TMLHE: variants seen among roughly 807,000 people sequenced by gnomAD.
TMLHE encodes trimethyllysine hydroxylase, epsilon.
Under a neutral mutation model 25.7 loss-of-function variants are expected in TMLHE, and 18 were observed. That is an observed-to-expected ratio of 0.70 (90% confidence interval 0.48 to 1.04). TMLHE has a LOEUF of 1.04. Among genes scored for constraint, TMLHE ranks in the 50% least tolerant of loss-of-function variants. The probability of loss-of-function intolerance (pLI) is 0.00; values close to 1 mark genes in which losing one functional copy is unlikely to be tolerated. For missense variants in TMLHE, 236 were observed against 259.0 expected (o/e 0.91, Z 0.61); for synonymous variants, 105 against 97.0 (o/e 1.08, Z -0.49).
At chrX:155,504,488 T>C (rs1456057671) in intron 6 of TMLHE, among the ~76,000 whole-genome samples, 1 of 104,577 alleles carries the variant, frequency 9.6e-6, no homozygotes, top group African/African-American at 3.5e-5. Flanking sequence ...CTCATAGTAA[T>C]GAGTGAGTTC....
chrX:155,548,525 G>A (rs1334950355), intron 1 of TMLHE, among the ~76,000 whole-genome samples: 4 of 108,058 alleles, frequency 3.7e-5, no homozygotes, highest in Admixed American at 9.6e-5. Context: ...CACAAGGTCA[G>A]CAGTATGAGG....
intron 3 of TMLHE, among the ~76,000 whole-genome samples, chrX:155,516,823 G>A (rs1364934444): frequency 3.5e-5 from 2 of 57,803 alleles, no homozygotes; most frequent in Non-Finnish European, 6.8e-5. Flanking sequence ...CTTCTTTTGA[G>A]AAGTGTCTGT....
intron 1 of TMLHE, among the ~76,000 whole-genome samples, chrX:155,545,644 C>T (rs186077403): frequency 0.015 from 1,702 of 111,691 alleles, 100 homozygotes; most frequent in Admixed American, 0.14. Flanking sequence ...ATAATGGAGC[C>T]GAAAAATCCT....
At chrX:155,600,085 A>T (rs1490579571) in intron 1 of TMLHE, among the ~76,000 whole-genome samples, 1 of 111,932 alleles carries the variant, frequency 8.9e-6, no homozygotes, top group East Asian at 2.8e-4. Context: ...TTTTTGCATG[A>T]ATTTACTATA....
intron 1 of TMLHE, among the ~76,000 whole-genome samples, chrX:155,556,733 G>C (rs1199362140): frequency 9.1e-6 from 1 of 110,299 alleles, no homozygotes; most frequent in Non-Finnish European, 1.9e-5. Flanking sequence ...CAACCGGTCT[G>C]ACCAAAATTT....
Position 155,514,016 on chromosome X carries a change from T to C in TMLHE, c.608A>G (p.Glu203Gly). 1 of 1,210,275 alleles carries C rather than the reference T, an allele frequency of 8.3e-7. No individual in the cohort carries two copies. Among genetic ancestry groups the C allele is most frequent in the Non-Finnish European group, 1.1e-6 (1 of 894,317 alleles). Residue 203 changes from glutamate (E) to glycine (G), a missense_variant, in exon 4 of 8, where the codon GAG becomes GGG. Glu to Gly is a moderately conservative substitution (Grantham distance 98). This residue lies in a region of TMLHE where 217 missense variants were observed against 214.6 expected (regional missense o/e 1.01). Coordinates refer to ENST00000334398, the MANE Select transcript of TMLHE (RefSeq NM_018196.4). ...ENVPPTQEHTEKLAERISLIR... is the reference protein window; with the variant it reads ...ENVPPTQEHTGKLAERISLIR... The stretch of plus-strand genomic sequence containing the variant: ...TAAGCTGATCCTTTCTGCCAACTTC[T>C]CTGTGTGCTCTTGAGTGGGAGGGAC...
chrX:155,580,420 G>A (rs1557344374), intron 1 of TMLHE, among the ~76,000 whole-genome samples: 3 of 111,663 alleles, frequency 2.7e-5, no homozygotes, highest in Admixed American at 1.9e-4. Flanking sequence ...CTACAGTATG[G>A]AGATTTCTCA....
chrX:155,602,237 C>A (rs2067760180), intron 1 of TMLHE, among the ~76,000 whole-genome samples: 1 of 111,294 alleles, frequency 9.0e-6, no homozygotes, highest in Admixed American at 9.5e-5. Flanking sequence ...TCGTTTAACA[C>A]CCCCAAATTA....
intron 5 of TMLHE, among the ~76,000 whole-genome samples, chrX:155,509,164 TTG>T (rs2067092467): frequency 9.0e-6 from 1 of 111,655 alleles, no homozygotes. Flanking sequence ...AACACTTAGT[TTG>T]TGTCAGGCAG....
intron 4 of TMLHE, among the ~76,000 whole-genome samples, chrX:155,512,436 G>C (rs1367652727): frequency 9.4e-6 from 1 of 106,172 alleles, no homozygotes; most frequent in African/African-American, 3.5e-5. Flanking sequence ...TTTTGTCCTT[G>C]CGATAGTTTA....
chrX:155,536,149 T>C (rs921168881), intron 2 of TMLHE, among the ~76,000 whole-genome samples: 20 of 111,634 alleles, frequency 1.8e-4, no homozygotes, highest in African/African-American at 5.2e-4. Context: ...AAAGAATTTC[T>C]CATCTTGTCT....
intron 3 of TMLHE, among the ~76,000 whole-genome samples, chrX:155,515,834 A>G (rs1348141084): frequency 1.8e-5 from 2 of 110,194 alleles, no homozygotes; most frequent in Non-Finnish European, 3.8e-5. Flanking sequence ...CTGTTTCAGA[A>G]CACATGCTGT....
intron 1 of TMLHE, among the ~76,000 whole-genome samples, chrX:155,548,521 G>A (rs1234037376): frequency 9.2e-6 from 1 of 108,301 alleles, no homozygotes; most frequent in Non-Finnish European, 1.9e-5. Flanking sequence ...GGATCACAAG[G>A]TCAGCAGTAT....
intron 1 of TMLHE, among the ~76,000 whole-genome samples, chrX:155,557,322 T>C (rs906810144): frequency 7.1e-5 from 8 of 112,158 alleles, no homozygotes; most frequent in African/African-American, 2.6e-4. Flanking sequence ...AATAAATGTC[T>C]ATAAAATCTT....
At chrX:155,540,349 C>T (rs1557338045) in intron 2 of TMLHE, among the ~76,000 whole-genome samples, 1 of 110,951 alleles carries the variant, frequency 9.0e-6, no homozygotes, top group African/African-American at 3.3e-5. Context: ...GCTGGTTTCT[C>T]AGCAAAACCT....
At chrX:155,610,439 A>G (rs782590196) in intron 1 of TMLHE, among the ~76,000 whole-genome samples, 1 of 112,207 alleles carries the variant, frequency 8.9e-6, no homozygotes, top group East Asian at 2.8e-4. Flanking sequence ...ATAAATTTAT[A>G]AAATCACTTT....
At chrX:155,578,721 T>C (rs2067606511) in intron 1 of TMLHE, among the ~76,000 whole-genome samples, 1 of 110,958 alleles carries the variant, frequency 9.0e-6, no homozygotes, top group Non-Finnish European at 1.9e-5. Context: ...GGCCCAAGAA[T>C]TGGCCTGCCT....
rs2067545681 is a variant in TMLHE at position 155,570,997 on chromosome X, G to C, written c.-1-25720C>G. 3.5e-5 allele frequency among the ~76,000 whole-genome samples: 2 copies of C among 56,724 alleles called. 1 individual carries two copies. The highest frequency in any genetic ancestry group is 9.2e-5 in the Non-Finnish European group (2 of 21,843). The allele number at this position is 56,724 out of a possible 115,157, so 49.3% of individuals were successfully genotyped here. A position where few individuals can be genotyped will look rare whatever the true frequency, so the allele number is the denominator to read the frequency against. ...TAACTAAAATCAGAGCAGAACTGAA[G>C]GAAATAGAGACACAAAAAGACTCTT... On this transcript the variant is annotated intron_variant, in intron 1 of 7. Coordinates refer to ENST00000334398, the MANE Select transcript of TMLHE (RefSeq NM_018196.4).
chrX:155,606,203 A>G (rs1041570357), intron 1 of TMLHE, among the ~76,000 whole-genome samples: 1 of 111,393 alleles, frequency 9.0e-6, no homozygotes, highest in Non-Finnish European at 1.9e-5. Flanking sequence ...GCAGAAAACT[A>G]ACAAAGATAT....
Sources: gnomAD v4.1 joint callset for allele counts (sites outside exome capture counted in the v4.1 genomes callset) on GRCh38, gnomAD v4.1.1 for gene constraint, gnomAD v4.1.1 regional missense constraint, MANE v1.5 for transcripts, NCBI Gene and HGNC (gene_info 2026-07-23, HGNC 2026-07-21) for gene names.